The following PLXNC1 variants were observed in gnomAD, a reference collection of about 807,000 sequenced individuals.
PLXNC1 encodes plexin-C1.
Under a neutral mutation model 178.2 loss-of-function variants are expected in PLXNC1, and 75 were observed. That is an observed-to-expected ratio of 0.42 (90% CI 0.35 to 0.51). The LOEUF is 0.51. Ranked by LOEUF, PLXNC1 falls within the 20% of genes least tolerant of loss-of-function variation. The pLI is 0.02. For missense variants in PLXNC1, 1,503 were observed against 1,984.4 expected, an observed-to-expected ratio of 0.76 and a Z score of 4.61; for synonymous variants, 790 against 779.9, an observed-to-expected ratio of 1.01 and a Z score of -0.22.
intron 1 of PLXNC1, chr12:94,157,993 T>C (rs1961237732): frequency 1.3e-5 from 2 of 152,268 alleles, no homozygotes; most frequent in Admixed American, 1.3e-4. Context: ...AAAGCTATTC[T>C]TAGCTCATGG....
intron 4 of PLXNC1, among the ~76,000 whole-genome samples, chr12:94,201,592 C>T (rs1478592973): frequency 6.6e-6 from 1 of 152,052 alleles, no homozygotes. Context: ...TGCTTGAGGT[C>T]ACCAGCTTGC....
intron 4 of PLXNC1, among the ~76,000 whole-genome samples, chr12:94,192,112 A>T (rs1282188164): frequency 6.6e-6 from 1 of 152,220 alleles, no homozygotes; most frequent in Non-Finnish European, 1.5e-5. Context: ...GTCATAAATT[A>T]AGGATTGATT....
chr12:94,212,805 C>G (rs1437046600), intron 5 of PLXNC1, among the ~76,000 whole-genome samples: 1 of 151,174 alleles, frequency 6.6e-6, no homozygotes, highest in Non-Finnish European at 1.5e-5. Context: ...CTGCAAGCTC[C>G]GCCTCCCAGG....
At position 94,306,922 on chromosome 12, in the gene PLXNC1, A is replaced by C. The variant is rs1969086520; in HGVS notation, c.*1637A>C. Reference sequence around the variant, plus strand: ...ACTACCAAATAGATGACAGATCAGAATAAAGGTGAGAGGTCTGGTCCCCAT... The same window carrying C: ...ACTACCAAATAGATGACAGATCAGACTAAAGGTGAGAGGTCTGGTCCCCAT... On this transcript the variant is annotated 3_prime_UTR_variant, in exon 31 of 31. Transcript: ENST00000258526. 1 of 152,214 alleles carries C rather than the reference A, an allele frequency of 6.6e-6. No homozygotes were observed. Among genetic ancestry groups the C allele is most frequent in the Admixed American group, 6.5e-5 (1 of 15,268 alleles). 9.4% of individuals were successfully genotyped at this position (152,214 alleles called of 1,614,324 possible). A position where few individuals can be genotyped will look rare whatever the true frequency, so the allele number is the denominator to read the frequency against.
Position 94,303,693 on chromosome 12 carries a change from C to CTT in PLXNC1, c.4387-45_4387-44dup, listed in dbSNP as rs373777720. On this transcript the variant is annotated intron_variant, in intron 28 of 30. Transcript: ENST00000258526. ...ATTGGAATATTATAAATTCCTCCAT[C>CTT]TTTTTTTTTTTTTTTTTTTACTCTT... 1,147 of 699,564 alleles carry CTT rather than the reference C, an allele frequency of 1.6e-3. 3 individuals carry two copies. The highest frequency in any genetic ancestry group is 9.5e-3 in the East Asian group (188 of 19,886). 43.3% of individuals were successfully genotyped at this position (699,564 alleles called of 1,614,324 possible).
chr12:94,259,633 T>C lies in PLXNC1; in HGVS notation c.3150T>C (p.Asn1050=), dbSNP rs748433511. 6.2e-7 allele frequency: 1 copy of C among 1,609,548 alleles called. No homozygotes were observed. The highest frequency in any genetic ancestry group is 8.5e-7 in the Non-Finnish European group (1 of 1,177,326). Residue 1050 remains asparagine, a synonymous_variant, in exon 19 of 31, where the codon AAT becomes AAC. Transcript: ENST00000258526. ...DMHNRDANDK[N]ESLTALDALI... is the part of the protein sequence containing the mutation. The stretch of plus-strand genomic sequence containing the variant: ...AGAACAGAGACGCCAACGACAAGAA[T>C]GAAAGTCTCACAGCTTTGGATGCCC...
chr12:94,263,110 G>A (rs532745946), intron 20 of PLXNC1, among the ~76,000 whole-genome samples: 2 of 152,114 alleles, frequency 1.3e-5, no homozygotes, highest in Non-Finnish European at 2.9e-5. Context: ...GCTGTGGCTC[G>A]CCTAAAAGTT....
chr12:94,187,870 C>G (rs1456245425), intron 4 of PLXNC1, among the ~76,000 whole-genome samples: 2 of 151,900 alleles, frequency 1.3e-5, no homozygotes, highest in African/African-American at 4.8e-5. Flanking sequence ...CTTAGAGAAG[C>G]CTTAAGACCA....
chr12:94,298,513 T>C (rs1968153198), intron 26 of PLXNC1, 119 bp from the exon 27 acceptor site: 2 of 832,468 alleles, frequency 2.4e-6, no homozygotes, highest in Non-Finnish European at 3.7e-6. Context: ...TCTCTTCAGT[T>C]TGTTTTTCCC....
chr12:94,259,534 C>A, intron 18 of PLXNC1, 76 bp from the exon 19 acceptor site: 1 of 1,214,016 alleles, frequency 8.2e-7, no homozygotes, highest in Non-Finnish European at 1.1e-6. Flanking sequence ...TTGGAAAACC[C>A]ATTGTGGGTC....
chr12:94,298,961 A>G (rs1388932367), intron 27 of PLXNC1, among the ~76,000 whole-genome samples, 166 bp downstream of exon 27: 1 of 152,228 alleles, frequency 6.6e-6, no homozygotes, highest in African/African-American at 2.4e-5. Flanking sequence ...TACTATTTTT[A>G]AACAATAAAG....
At chr12:94,226,805 A>C in intron 8 of PLXNC1, 98 bp downstream of exon 8, 4 of 860,062 alleles carry the variant, frequency 4.7e-6, no homozygotes, top group Non-Finnish European at 7.8e-6. Context: ...GGGTGGATCA[A>C]TTGAGGTCAG....
chr12:94,225,592 C>T (rs531704746), intron 7 of PLXNC1, among the ~76,000 whole-genome samples: 14 of 152,274 alleles, frequency 9.2e-5, no homozygotes, highest in South Asian at 2.1e-4. Flanking sequence ...GTTGAAAGAA[C>T]GTAGCTCCCC....
intron 7 of PLXNC1, among the ~76,000 whole-genome samples, chr12:94,225,648 G>T (rs558091068): frequency 6.6e-6 from 1 of 152,194 alleles, no homozygotes; most frequent in Non-Finnish European, 1.5e-5. Context: ...CTAGCCCCAG[G>T]TCCCACAACT....
intron 21 of PLXNC1, among the ~76,000 whole-genome samples, chr12:94,277,584 C>A (rs957361088): frequency 2.6e-5 from 4 of 152,086 alleles, no homozygotes; most frequent in Non-Finnish European, 5.9e-5. Context: ...TCAGAGGTCA[C>A]CCAGCTGGCT....
chr12:94,270,927 G>A (rs1481786408), intron 21 of PLXNC1, among the ~76,000 whole-genome samples: 2 of 152,142 alleles, frequency 1.3e-5, no homozygotes, highest in East Asian at 3.9e-4. Context: ...GGATGGGCAA[G>A]CGCAGCTCAA....
At chr12:94,209,424 T>G (rs929853784) in intron 4 of PLXNC1, among the ~76,000 whole-genome samples, 166 bp from the exon 5 acceptor site, 2 of 152,254 alleles carry the variant, frequency 1.3e-5, no homozygotes, top group African/African-American at 4.8e-5. Context: ...TTTTCATGGT[T>G]TTAGCATCAT....
intron 21 of PLXNC1, among the ~76,000 whole-genome samples, chr12:94,276,106 T>TA (rs1249045910): frequency 2.0e-5 from 3 of 152,282 alleles, no homozygotes; most frequent in African/African-American, 7.2e-5. Context: ...TTATTGCCCA[T>TA]AAAAAAGTGT....
At chr12:94,196,263 T>C (rs1298337449) in intron 4 of PLXNC1, among the ~76,000 whole-genome samples, 1 of 152,140 alleles carries the variant, frequency 6.6e-6, no homozygotes, top group Non-Finnish European at 1.5e-5. Flanking sequence ...GAGGTGGGCC[T>C]GCTGGGAGGG....
Sources: gnomAD v4.1 joint callset for allele counts (sites outside exome capture counted in the v4.1 genomes callset) on GRCh38, gnomAD v4.1.1 for gene constraint, MANE v1.5 for transcripts, NCBI Gene and HGNC (gene_info 2026-07-23, HGNC 2026-07-21) for gene names.